MROH1: variants seen among roughly 807,000 people sequenced by gnomAD.
The protein encoded by MROH1 is maestro heat-like repeat-containing protein family member 1.
MROH1 carries 117 observed loss-of-function variants against 116.5 expected under a neutral mutation model. The observed-to-expected ratio is 1.00, with a 90% CI of 0.86 to 1.17. MROH1 has a LOEUF of 1.17. Among genes scored for constraint, MROH1 ranks in the 50% most tolerant of loss-of-function variants. The pLI is 0.00. For missense variants in MROH1, 1,873 were observed against 1,338.5 expected, an observed-to-expected ratio of 1.40 and a Z score of -6.23; for synonymous variants, 921 against 583.9, an observed-to-expected ratio of 1.58 and a Z score of -8.32.
At chr8:144,205,739 T>C (rs1393158208) in intron 12 of MROH1, among the ~76,000 whole-genome samples, 1 of 152,214 alleles carries the variant, frequency 6.6e-6, no homozygotes, top group African/African-American at 2.4e-5. Flanking sequence ...AAGCCTTCTC[T>C]GGGATTCCCT....
Position 144,182,124 on chromosome 8 carries a change from TG to T in MROH1, c.562+1605del, listed in dbSNP as rs1036536551. ...GGTGGTCCTGCTGGCTGGAGCAGCC[TG>T]GGGCCAGAGGAAGCCGTATCAACCG... is the stretch of plus-strand genomic sequence containing the variant. On this transcript the variant is annotated intron_variant, in intron 7 of 43. Coordinates refer to ENST00000326134, the MANE Select transcript of MROH1 (RefSeq NM_032450.3). The surrounding 1 kb of genome is among the most constrained non-coding windows in gnomAD (Gnocchi z 4.1). 1.3e-5 allele frequency among the ~76,000 whole-genome samples: 2 copies of T among 151,108 alleles called. No individual in the cohort carries two copies. The highest frequency in any genetic ancestry group is 2.5e-5 in the African/African-American group (1 of 40,394).
At position 144,249,104 on chromosome 8, in the gene MROH1, G is replaced by A. The variant is rs1029511118; in HGVS notation, c.3273+75G>A. ...GCGCGGTGGGACGGGCAGGGCAGGA[G>A]TGGGGTAGTGGCTCTTGGAGAGGTG... is the stretch of plus-strand genomic sequence containing the variant. On this transcript the variant is annotated intron_variant, in intron 32 of 43. Coordinates refer to ENST00000326134, the MANE Select transcript of MROH1 (RefSeq NM_032450.3). 121 of 703,050 alleles carry A rather than the reference G, an allele frequency of 1.7e-4. No individual in the cohort carries two copies. The East Asian group carries it at 2.6e-3, about 15-fold the overall frequency. 43.6% of individuals were successfully genotyped at this position (703,050 alleles called of 1,614,324 possible).
Position 144,260,351 on chromosome 8 carries a change from C to G in MROH1, c.4357C>G (p.Arg1453Gly). The G allele has an allele frequency of 1.4e-6, 1 of 728,266 alleles. No homozygotes were observed. The highest frequency in any genetic ancestry group is 1.4e-5 in the South Asian group (1 of 69,368). 45.1% of individuals were successfully genotyped at this position (728,266 alleles called of 1,614,324 possible). A position where few individuals can be genotyped will look rare whatever the true frequency, so the allele number is the denominator to read the frequency against. The change falls in exon 39 of 44, where the codon CGC becomes GGC. Residue 1453 changes from arginine (R) to glycine (G), a missense_variant. Physicochemically the swap from Arg to Gly is moderately radical, Grantham distance 125 (BLOSUM62 -2). Coordinates refer to ENST00000326134, the MANE Select transcript of MROH1 (RefSeq NM_032450.3). Reference protein sequence around the residue: ...LRSGLLHVAIRIRPFFDSEKM... With the variant: ...LRSGLLHVAIGIRPFFDSEKM... ...CTCAGGGCTGCTGCACGTGGCCATC[C>G]GCATCCGGCCTTTCTTCGACAGTGT...
chr8:144,243,821 G>A (rs1841418098), intron 25 of MROH1, 42 bp from the exon 26 acceptor site: 3 of 760,690 alleles, frequency 3.9e-6, no homozygotes, highest in Non-Finnish European at 7.3e-6. Context: ...AGGAGAGCTG[G>A]CGTTTCCTCC....
intron 1 of MROH1, among the ~76,000 whole-genome samples, chr8:144,155,185 A>G (rs1587711246): frequency 6.6e-6 from 1 of 152,032 alleles, no homozygotes; most frequent in East Asian, 1.9e-4. Context: ...TCCTGACCTC[A>G]GTTAATGCGC....
rs986263467 is a variant in MROH1 at position 144,238,906 on chromosome 8, C to G, written c.1446+43C>G. On this transcript the variant is annotated intron_variant, in intron 15 of 43. Transcript: ENST00000326134. ...GTCCCTGCCTGGCGACAACAGAGCT[C>G]TCCAGGGCAGTGGCCCAGGGTGCTC... The G allele has an allele frequency of 1.2e-5, 9 of 769,746 alleles. No homozygotes were observed. The East Asian group carries it at 2.2e-4, about 19-fold the overall frequency. 47.7% of individuals were successfully genotyped at this position (769,746 alleles called of 1,614,324 possible). A position where few individuals can be genotyped will look rare whatever the true frequency, so the allele number is the denominator to read the frequency against.
At chr8:144,215,625 A>G (rs1175703849) in intron 12 of MROH1, among the ~76,000 whole-genome samples, 1 of 152,106 alleles carries the variant, frequency 6.6e-6, no homozygotes, top group Non-Finnish European at 1.5e-5. Context: ...TAATCCCAGC[A>G]CTTTGGGAGG....
Position 144,239,350 on chromosome 8 carries a change from C to T in MROH1, c.1619C>T (p.Thr540Ile), listed in dbSNP as rs1840588721. Reference protein sequence around the residue: ...HASLPSPYAVTGRLLVVSSSP... With the variant: ...HASLPSPYAVIGRLLVVSSSP... ...AGCCTCCCGTCTCCCTATGCTGTAA[C>T]CGGAAGACTGTTGGTGAGCCTCGCC... is the stretch of plus-strand genomic sequence containing the variant. Residue 540 changes from threonine (T) to isoleucine (I), a missense_variant, in exon 17 of 44, where the codon ACC (threonine) becomes ATC (isoleucine). Coordinates refer to ENST00000326134, the MANE Select transcript of MROH1 (RefSeq NM_032450.3). 1.3e-6 allele frequency: 1 copy of T among 780,554 alleles called. No homozygotes were observed. The highest frequency in any genetic ancestry group is 2.4e-6 in the Non-Finnish European group (1 of 417,834). 48.4% of individuals were successfully genotyped at this position (780,554 alleles called of 1,614,324 possible).
chr8:144,249,875 C>A (rs1005397220), intron 32 of MROH1, among the ~76,000 whole-genome samples: 1 of 152,222 alleles, frequency 6.6e-6, no homozygotes, highest in Admixed American at 6.5e-5. Flanking sequence ...GAGTTGCACC[C>A]AGCAGGCGTG....
At chr8:144,260,551 C>T in intron 39 of MROH1, 126 bp from the exon 40 acceptor site, 1 of 755,584 alleles carries the variant, frequency 1.3e-6, no homozygotes, top group Non-Finnish European at 2.4e-6. Context: ...ACCCGTAAGG[C>T]CCCCACCCGT....
chr8:144,149,132 C>T (rs1816127047), intron 1 of MROH1, among the ~76,000 whole-genome samples: 1 of 152,006 alleles, frequency 6.6e-6, no homozygotes, highest in Non-Finnish European at 1.5e-5. Context: ...CCCGGCGAGG[C>T]GAGGGCTGGA....
chr8:144,176,405 G>A (rs368740627), intron 4 of MROH1, among the ~76,000 whole-genome samples: 4 of 151,146 alleles, frequency 2.6e-5, no homozygotes, highest in Non-Finnish European at 3.0e-5. Context: ...GTGTGGTGGT[G>A]TGTGCCTGTA....
At chr8:144,149,628 G>A (rs1316386005) in intron 1 of MROH1, among the ~76,000 whole-genome samples, 1 of 152,076 alleles carries the variant, frequency 6.6e-6, no homozygotes, top group Non-Finnish European at 1.5e-5. Flanking sequence ...GGGTTATTTG[G>A]GGTAGAGATC....
At chr8:144,153,745 G>A (rs1406770524) in intron 1 of MROH1, among the ~76,000 whole-genome samples, 3 of 152,070 alleles carry the variant, frequency 2.0e-5, no homozygotes, top group Non-Finnish European at 4.4e-5. Flanking sequence ...TGGATGATAT[G>A]GCAGTTCTGT....
At chr8:144,151,258 A>C (rs1816701159) in intron 1 of MROH1, among the ~76,000 whole-genome samples, 2 of 150,438 alleles carry the variant, frequency 1.3e-5, no homozygotes, top group Admixed American at 6.6e-5. Flanking sequence ...AAAAAAAAAA[A>C]AAAAAAAAAA....
At chr8:144,172,192 C>T (rs1322897984) in intron 4 of MROH1, among the ~76,000 whole-genome samples, 4 of 152,144 alleles carry the variant, frequency 2.6e-5, no homozygotes, top group African/African-American at 9.7e-5. Context: ...TGGAGAATCT[C>T]CTTCCGTTTC....
chr8:144,179,240 G>A (rs1587931772), intron 4 of MROH1, among the ~76,000 whole-genome samples: 1 of 152,114 alleles, frequency 6.6e-6, no homozygotes, highest in African/African-American at 2.4e-5. Context: ...GTTGTCTGGC[G>A]CAGGATAACG....
chr8:144,155,527 A>T (rs1219945091), intron 1 of MROH1, among the ~76,000 whole-genome samples: 2 of 152,136 alleles, frequency 1.3e-5, no homozygotes, highest in African/African-American at 4.8e-5. Context: ...AAAGTTTTCC[A>T]ATATATTTAT....
At chr8:144,154,719 G>A (rs1025182099) in intron 1 of MROH1, among the ~76,000 whole-genome samples, 412 of 146,748 alleles carry the variant, frequency 2.8e-3, no homozygotes, top group African/African-American at 9.7e-3. Context: ...CCAGGCTGGT[G>A]TACAATGGCA....
Sources: gnomAD v4.1 joint callset for allele counts (sites outside exome capture counted in the v4.1 genomes callset) on GRCh38, gnomAD v4.1.1 for gene constraint, Gnocchi (gnomAD v3.1) non-coding constraint, MANE v1.5 for transcripts, NCBI Gene and HGNC (gene_info 2026-07-23, HGNC 2026-07-21) for gene names.